The following NAV1 variants were observed in gnomAD, a reference collection of about 807,000 sequenced individuals.
The protein encoded by NAV1 is neuron navigator 1.
In NAV1, 18 loss-of-function variants were observed where a neutral mutation model predicts 175.2. That is an observed-to-expected ratio of 0.10 (90% CI 0.07 to 0.15). NAV1 has a LOEUF of 0.15. NAV1 is among the 10% of genes least tolerant of loss of function. The pLI is 1.00. For missense variants in NAV1, 1,731 were observed against 2,436.6 expected (o/e 0.71, Z 6.10); for synonymous variants, 897 against 978.7 (o/e 0.92, Z 1.56).
chr1:201,659,793 G>A lies in NAV1; in HGVS notation c.757+10368G>A, dbSNP rs187062433. On this transcript the variant is annotated intron_variant, in intron 1 of 29. Coordinates refer to ENST00000367296, the Ensembl canonical transcript of NAV1. ...GGTCCTTCAGGGAGTGAAGACAGCC[G>A]GCTGCGCTGGGGTAGGAGAGCCTGT... Among the ~76,000 whole-genome samples, 93 of 152,312 alleles carry A rather than the reference G, an allele frequency of 6.1e-4. 2 individuals carry two copies. Among genetic ancestry groups the A allele is most frequent in the Admixed American group, 5.4e-3 (83 of 15,304 alleles).
intron 1 of NAV1, among the ~76,000 whole-genome samples, chr1:201,587,082 G>A (rs756205441): frequency 2.6e-5 from 4 of 151,784 alleles, no homozygotes; most frequent in South Asian, 2.1e-4. Context: ...GTGGTGGTGC[G>A]CACCTGTAGT....
intron 29 of NAV1, 99 bp downstream of exon 33, chr1:201,817,384 G>C: frequency 8.9e-7 from 1 of 1,117,342 alleles, no homozygotes; most frequent in Non-Finnish European, 1.3e-6. Context: ...ACTTTGAGAG[G>C]CTGAGGTGGG....
At chr1:201,753,969 G>C (rs1674296598) in intron 3 of NAV1, among the ~76,000 whole-genome samples, 1 of 152,204 alleles carries the variant, frequency 6.6e-6, no homozygotes, top group Non-Finnish European at 1.5e-5. Context: ...CAAAGAAGGG[G>C]AAAGTGAAGG....
chr1:201,759,579 G>A (rs1418132062), intron 3 of NAV1, among the ~76,000 whole-genome samples: 1 of 152,236 alleles, frequency 6.6e-6, no homozygotes, highest in South Asian at 2.1e-4. Flanking sequence ...GCAGGACACT[G>A]CTGCATGCTT....
chr1:201,803,917 CT>C (rs1678108548), intron 16 of NAV1: 4 of 638,418 alleles, frequency 6.3e-6, no homozygotes, highest in Non-Finnish European at 1.1e-5. Flanking sequence ...GGCCACCCCT[CT>C]GACCTTTATA....
rs762057299 is a variant in NAV1, at chr1:201,718,711, C to A, written c.1182C>A (p.Asp394Glu). The change falls in exon 3 of 30, where the codon GAC (aspartate) becomes GAA (glutamate). Residue 394 changes from aspartate to glutamate, a missense_variant. Transcript: ENST00000367296. The surrounding 1 kb of genome is among the most constrained non-coding windows in gnomAD (Gnocchi z 4.8). ...AGTCCGGCTACATGAGCGACAGTGA[C>A]CTCATGGGCAAGACCATGACGGAGG... is the stretch of plus-strand genomic sequence containing the variant. 6.2e-7 allele frequency: 1 copy of A among 1,614,080 alleles called. No homozygotes were observed. Among genetic ancestry groups the A allele is most frequent in the East Asian group, 2.2e-5 (1 of 44,884 alleles).
At chr1:201,737,164 G>T (rs1379175091) in intron 3 of NAV1, among the ~76,000 whole-genome samples, 3 of 152,132 alleles carry the variant, frequency 2.0e-5, no homozygotes. Context: ...CAGTGCTGCT[G>T]CCAATTACCC....
At chr1:201,654,425 C>G (rs995164237) in intron 1 of NAV1, among the ~76,000 whole-genome samples, 31 of 142,872 alleles carry the variant, frequency 2.2e-4, no homozygotes, top group African/African-American at 8.0e-4. Flanking sequence ...ACCCCCATCA[C>G]AAGCTGCCAA....
chr1:201,791,131 TCTTAGAGC>T (rs1677092961), intron 13 of NAV1: 1 of 235,462 alleles, frequency 4.2e-6, no homozygotes, highest in African/African-American at 2.2e-5. Flanking sequence ...ATTATAGGGC[TCTTAGAGC>T]CTTTCCACTG....
In NAV1 at chr1:201,784,989, C is replaced by G. The variant is rs1366577474; in HGVS notation, c.2805-321C>G. ...TTCACCGTGTTAGCCAGGATGGTCT[C>G]GATCTCCCGACCTCGTGATCCACCC... On this transcript the variant is annotated intron_variant, in intron 7 of 29. Transcript: ENST00000367296. Among the ~76,000 whole-genome samples, 2 of 152,076 alleles carry G rather than the reference C, an allele frequency of 1.3e-5. 1 individual carries two copies. Among genetic ancestry groups the G allele is most frequent in the South Asian group, 4.1e-4 (2 of 4,822 alleles).
chr1:201,741,843 G>C (rs962713077), intron 3 of NAV1, among the ~76,000 whole-genome samples: 1 of 152,164 alleles, frequency 6.6e-6, no homozygotes, highest in Admixed American at 6.5e-5. Context: ...CTTATAAAGA[G>C]AGCTTAGTGC....
intron 1 of NAV1, among the ~76,000 whole-genome samples, chr1:201,671,988 C>A (rs762968395): frequency 1.3e-5 from 2 of 152,214 alleles, no homozygotes; most frequent in Non-Finnish European, 2.9e-5. Context: ...CTCCCACTCC[C>A]ACTCTATCAG....
intron 2 of NAV1, among the ~76,000 whole-genome samples, chr1:201,604,575 G>A (rs758650798): frequency 1.3e-5 from 2 of 151,842 alleles, no homozygotes; most frequent in Non-Finnish European, 2.9e-5. Context: ...CCAGCTACTC[G>A]GGAGGCTGAG....
Position 201,600,351 on chromosome 1 carries a change from C to T in NAV1, c.-33+11702C>T, listed in dbSNP as rs12404318. On this transcript the variant is annotated intron_variant, in intron 2 of 33. Transcript: ENST00000685211. ...AACCAAAAGTGGACAATAACCCCAA[C>T]GACTTCTCCTTTTCCCCTGAAGCAT... Among the ~76,000 whole-genome samples, 701 of 152,324 alleles carry T rather than the reference C, an allele frequency of 4.6e-3. 3 individuals are homozygous for T. The highest frequency in any genetic ancestry group is 0.011 in the Admixed American group (174 of 15,308).
chr1:201,682,982 T>C (rs549890344), intron 1 of NAV1, among the ~76,000 whole-genome samples: 8 of 152,320 alleles, frequency 5.3e-5, no homozygotes, highest in African/African-American at 1.7e-4. Context: ...GAACCAATAA[T>C]GATAAATTAT....
Position 201,740,411 on chromosome 1 carries a change from T to G in NAV1, c.1226+21656T>G, listed in dbSNP as rs551194165. Among the ~76,000 whole-genome samples the G allele has an allele frequency of 6.6e-6, 1 of 152,214 alleles. No individual in the cohort carries two copies. The highest frequency in any genetic ancestry group is 6.5e-5 in the Admixed American group (1 of 15,294). ...GACGGAGCTGAGACAATAGCGCAACTTGATTGAACTTCGATGGTTGCGGCT... is the reference window on the plus strand; with the variant it reads ...GACGGAGCTGAGACAATAGCGCAACGTGATTGAACTTCGATGGTTGCGGCT... On this transcript the variant is annotated intron_variant, in intron 3 of 29. Transcript: ENST00000367296. This position sits in a 1 kb window ranked among gnomAD's most constrained non-coding sequence, Gnocchi z 4.7.
At chr1:201,655,664 C>A (rs1295289047) in intron 1 of NAV1, among the ~76,000 whole-genome samples, 3 of 152,170 alleles carry the variant, frequency 2.0e-5, no homozygotes, top group Non-Finnish European at 4.4e-5. Context: ...CCACAGAGAT[C>A]GGGGGCAGAC....
chr1:201,793,858 G>A (rs1677264203), exon 14 of NAV1: 1 of 1,560,134 alleles, frequency 6.4e-7, no homozygotes, highest in Non-Finnish European at 8.7e-7. Context: ...ACACCTGGCA[G>A]AGACGGCCGA....
rs973818001 is a variant in NAV1, at chr1:201,788,754, C to A, written c.3166+116C>A. ...CACACATATATGATTCACAGAACAT[C>A]AAGTTGGGCCATTTCAGTTTTTTCT... is the stretch of plus-strand genomic sequence containing the variant. On this transcript the variant is annotated intron_variant, in intron 10 of 29. Coordinates refer to ENST00000367296, the Ensembl canonical transcript of NAV1. This position sits in a 1 kb window ranked among gnomAD's most constrained non-coding sequence, Gnocchi z 5.7. The A allele has an allele frequency of 8.0e-7, 1 of 1,251,266 alleles. No homozygotes were observed. Among genetic ancestry groups the A allele is most frequent in the South Asian group, 1.5e-5 (1 of 67,772 alleles). The allele number at this position is 1,251,266 out of a possible 1,614,324, so 77.5% of individuals were successfully genotyped here. A position where few individuals can be genotyped will look rare whatever the true frequency, so the allele number is the denominator to read the frequency against.
Sources: allele counts gnomAD v4.1 joint callset (sites outside exome capture counted in the v4.1 genomes callset), GRCh38; gene constraint gnomAD v4.1.1; non-coding constraint Gnocchi (gnomAD v3.1); transcripts MANE v1.5; gene names NCBI Gene and HGNC (gene_info 2026-07-23, HGNC 2026-07-21).